Variants in TACC2 observed in about 807,000 individuals in gnomAD.
The protein encoded by TACC2 is transforming acidic coiled-coil-containing protein 2.
In TACC2, 137 loss-of-function variants were observed where a neutral mutation model predicts 227.3. That is an observed-to-expected ratio of 0.60 (90% CI 0.52 to 0.69). The LOEUF (loss-of-function observed/expected upper bound fraction) is 0.69, where lower values mean the gene tolerates loss of function less well. Among genes scored for constraint, TACC2 ranks in the 30% least tolerant of loss-of-function variants. The probability of loss-of-function intolerance (pLI) is 0.00; values close to 1 mark genes in which losing one functional copy is unlikely to be tolerated. For missense variants in TACC2, 3,470 were observed against 3,694.4 expected, an observed-to-expected ratio of 0.94 and a Z score of 1.57; for synonymous variants, 1,523 against 1,487.5, an observed-to-expected ratio of 1.02 and a Z score of -0.55.
At chr10:122,115,678 C>T (rs547478494) in intron 5 of TACC2, among the ~76,000 whole-genome samples, 7 of 151,948 alleles carry the variant, frequency 4.6e-5, no homozygotes, top group African/African-American at 1.2e-4. Flanking sequence ...GGGCTGTAAG[C>T]GTAGATGAGA....
rs181576844 is a variant in TACC2, at chr10:122,017,345, C to T, written c.-45-4592C>T. On this transcript the variant is annotated intron_variant, in intron 1 of 22. Coordinates refer to ENST00000369005, the MANE Select transcript of TACC2 (RefSeq NM_206862.4). Reference sequence around the variant, plus strand: ...GCCTGCGAAGTCCCCTGTGCCGCCGCCGTTTTGGTGAGCCATCTTCTCTCC... The same window carrying T: ...GCCTGCGAAGTCCCCTGTGCCGCCGTCGTTTTGGTGAGCCATCTTCTCTCC... 4.6e-5 allele frequency among the ~76,000 whole-genome samples: 7 copies of T among 152,246 alleles called. No homozygotes were observed. In the East Asian group the frequency reaches 1.4e-3, roughly 29 times the overall value.
intron 9 of TACC2, among the ~76,000 whole-genome samples, chr10:122,212,561 T>G (rs1356750199): frequency 6.6e-6 from 1 of 152,162 alleles, no homozygotes; most frequent in Non-Finnish European, 1.5e-5. Context: ...CGGGAAGTAT[T>G]GTCAGTAATT....
intron 18 of TACC2, among the ~76,000 whole-genome samples, chr10:122,239,452 G>A (rs1444700375): frequency 6.6e-6 from 1 of 152,242 alleles, no homozygotes; most frequent in East Asian, 1.9e-4. Context: ...TCTTTCTGCT[G>A]ATGGTTCCCT....
At chr10:122,121,413 T>C (rs1310499882) in intron 5 of TACC2, among the ~76,000 whole-genome samples, 1 of 152,146 alleles carries the variant, frequency 6.6e-6, no homozygotes, top group African/African-American at 2.4e-5. Flanking sequence ...AGGATCTTTT[T>C]CAAGGTTGTA....
chr10:122,158,415 A>G (rs2092623335), intron 7 of TACC2, among the ~76,000 whole-genome samples: 1 of 152,098 alleles, frequency 6.6e-6, no homozygotes, highest in Admixed American at 6.5e-5. Flanking sequence ...ACAAAAACAA[A>G]AAAGAAAACC....
Position 122,194,941 on chromosome 10 carries a change from C to A in TACC2, c.5835-99C>A. 1.6e-6 allele frequency: 2 copies of A among 1,250,540 alleles called. No homozygotes were observed. The allele number at this position is 1,250,540 out of a possible 1,614,324, so 77.5% of individuals were successfully genotyped here. On this transcript the variant is annotated intron_variant, in intron 7 of 22. Coordinates refer to ENST00000369005, the MANE Select transcript of TACC2 (RefSeq NM_206862.4). This position sits in a 1 kb window ranked among gnomAD's most constrained non-coding sequence, Gnocchi z 4.4. ...GTCCCTGCACAGTTTAACTGAGCAG[C>A]GAGCCAGAACCCACTGGCTCTGGGT...
rs555531214 is a variant in TACC2, at chr10:122,008,159, G to T, written c.-45-13778G>T. ...CAAGACAAACACCCAGTTGCCATTG[G>T]GTATTCCTATTATCATTTCTGCCTT... is the stretch of plus-strand genomic sequence containing the variant. On this transcript the variant is annotated intron_variant, in intron 1 of 22. Coordinates refer to ENST00000369005, the MANE Select transcript of TACC2 (RefSeq NM_206862.4). 2.0e-5 allele frequency among the ~76,000 whole-genome samples: 3 copies of T among 152,016 alleles called. No individual in the cohort carries two copies. The South Asian group carries it at 6.2e-4, about 32-fold the overall frequency.
intron 8 of TACC2, among the ~76,000 whole-genome samples, chr10:122,208,144 A>G (rs766194586): frequency 1.3e-5 from 2 of 152,192 alleles, no homozygotes; most frequent in African/African-American, 4.8e-5. Context: ...CGTTTGGTAG[A>G]AAGAGCTCCG....
At chr10:122,124,511 T>A in intron 5 of TACC2, among the ~76,000 whole-genome samples, 1 of 152,220 alleles carries the variant, frequency 6.6e-6, no homozygotes, top group East Asian at 1.9e-4. Context: ...AGGCTCATGG[T>A]CTGAGCGTCT....
In TACC2 at chr10:122,194,071, C is replaced by T. The variant is rs956149595; in HGVS notation, c.5835-969C>T. 6.6e-6 allele frequency among the ~76,000 whole-genome samples: 1 copy of T among 152,282 alleles called. No homozygotes were observed. Among genetic ancestry groups the T allele is most frequent in the Non-Finnish European group, 1.5e-5 (1 of 68,032 alleles). On this transcript the variant is annotated intron_variant, in intron 7 of 22. Transcript: ENST00000369005. The surrounding 1 kb of genome is among the most constrained non-coding windows in gnomAD (Gnocchi z 4.4). The stretch of plus-strand genomic sequence containing the variant: ...TAGCTGAGACCATAGGCACATGCCA[C>T]CAAGCCTGGGTAATTTTTTATTTTT...
At chr10:122,170,897 C>G (rs1008494282) in intron 7 of TACC2, among the ~76,000 whole-genome samples, 2 of 152,146 alleles carry the variant, frequency 1.3e-5, no homozygotes, top group Non-Finnish European at 2.9e-5. Context: ...CTGCTCCGTC[C>G]CTTGGCTGGT....
At chr10:122,014,213 A>ATGAGACCTG (rs1157738319) in intron 1 of TACC2, among the ~76,000 whole-genome samples, 2 of 148,780 alleles carry the variant, frequency 1.3e-5, no homozygotes, top group Admixed American at 6.8e-5. Flanking sequence ...CATTGATGAA[A>ATGAGACCTG]TGAGACCTGT....
At chr10:122,008,330 G>T (rs1390056752) in intron 1 of TACC2, among the ~76,000 whole-genome samples, 1 of 150,012 alleles carries the variant, frequency 6.7e-6, no homozygotes, top group Admixed American at 6.7e-5. Flanking sequence ...TGCGATCTTG[G>T]CTCACTGCAA....
chr10:122,039,147 T>C (rs906077761), intron 2 of TACC2, among the ~76,000 whole-genome samples: 5 of 152,118 alleles, frequency 3.3e-5, no homozygotes, highest in African/African-American at 4.8e-5. Context: ...GGCTAAGTTT[T>C]GTATTTTTAG....
At chr10:122,176,099 CTCTCTCTCTCTCTCTCTCTATATATATA>C (rs1307886013) in intron 7 of TACC2, among the ~76,000 whole-genome samples, 3,078 of 88,740 alleles carry the variant, frequency 0.035, 49 homozygotes, top group Middle Eastern at 0.069. Context: ...CTCTCTCTCT[CTCTCTCTCTCTCTCTCTCTATATATATA>C]TATATATATA....
intron 2 of TACC2, among the ~76,000 whole-genome samples, chr10:122,029,282 C>T (rs1281814350): frequency 2.0e-5 from 3 of 151,806 alleles, no homozygotes; most frequent in Non-Finnish European, 4.4e-5. Flanking sequence ...CTGCATCAAT[C>T]GATGTAATTG....
chr10:122,100,276 A>AT (rs1250856288), intron 5 of TACC2, among the ~76,000 whole-genome samples: 141 of 152,158 alleles, frequency 9.3e-4, no homozygotes, highest in African/African-American at 3.3e-3. Flanking sequence ...AAAAAAAAAA[A>AT]AAGAAACTCT....
In TACC2 at chr10:122,084,414, G is replaced by A. The variant is rs2079870332; in HGVS notation, c.1914G>A (p.Lys638=). The A allele has an allele frequency of 6.2e-7, 1 of 1,612,798 alleles. No homozygotes were observed. Among genetic ancestry groups the A allele is most frequent in the African/African-American group, 1.3e-5 (1 of 74,920 alleles). ...PSSHSAQPPR[K]GGAGHTDGPH... ...CACACTCAGCACAGCCACCCAGAAAGGGGGGTGCTGGGCACACGGACGGGC... is the reference window on the plus strand; with the variant it reads ...CACACTCAGCACAGCCACCCAGAAAAGGGGGTGCTGGGCACACGGACGGGC... The change falls in exon 4 of 23, where the codon AAG becomes AAA. Residue 638 remains lysine, a synonymous_variant. Transcript: ENST00000369005.
At chr10:121,992,020 C>T (rs1953047905) in intron 1 of TACC2, among the ~76,000 whole-genome samples, 1 of 152,156 alleles carries the variant, frequency 6.6e-6, no homozygotes, top group African/African-American at 2.4e-5. Context: ...ATGGGAAAGA[C>T]CTGCCCCCAT....
Sources: allele counts gnomAD v4.1 joint callset (sites outside exome capture counted in the v4.1 genomes callset), GRCh38; gene constraint gnomAD v4.1.1; non-coding constraint Gnocchi (gnomAD v3.1); transcripts MANE v1.5; gene names NCBI Gene and HGNC (gene_info 2026-07-23, HGNC 2026-07-21).